ADCK1: variants seen among roughly 807,000 people sequenced by gnomAD.
ADCK1 encodes the protein aarF domain containing kinase 1, also known as aarF domain-containing protein kinase 1.
Under a neutral mutation model 52.3 loss-of-function variants are expected in ADCK1, and 41 were observed. The observed-to-expected ratio is 0.78, with a 90% CI of 0.61 to 1.02. The LOEUF (loss-of-function observed/expected upper bound fraction) is 1.02, where lower values mean the gene tolerates loss of function less well. Ranked by LOEUF, ADCK1 falls within the 50% of genes least tolerant of loss-of-function variation. The pLI, the probability that ADCK1 is intolerant of heterozygous loss-of-function variation, is 0.00. For missense variants in ADCK1, 658 were observed against 679.5 expected, an observed-to-expected ratio of 0.97 and a Z score of 0.35; for synonymous variants, 250 against 274.6, an observed-to-expected ratio of 0.91 and a Z score of 0.89.
At chr14:77,884,501 A>G (rs145439889) in intron 4 of ADCK1, among the ~76,000 whole-genome samples, 108 of 152,132 alleles carry the variant, frequency 7.1e-4, no homozygotes, top group African/African-American at 2.4e-3. Context: ...TTTTTCACTT[A>G]TCCCTGCTGG....
In ADCK1 at chr14:77,933,383, C is replaced by T; in HGVS notation, c.1564C>T (p.Pro522Ser). 2 of 1,613,976 alleles carry T rather than the reference C, an allele frequency of 1.2e-6. No individual in the cohort carries two copies. The highest frequency in any genetic ancestry group is 1.1e-5 in the South Asian group (1 of 91,076). The change falls in exon 11 of 11, where the codon CCA becomes TCA. Residue 522 changes from proline (P) to serine (S), a missense_variant. Pro to Ser is a moderately conservative substitution (Grantham distance 74). Transcript: ENST00000238561. ...CCTAATATGCTGGCTGTTCCCTGCT[C>T]CACTCTGAGTGGAATTGCTCTCCCT... is the stretch of plus-strand genomic sequence containing the variant. ...LALICWLFPA[P>S]L
chr14:77,856,117 G>A (rs563955098), intron 3 of ADCK1, among the ~76,000 whole-genome samples: 1 of 152,270 alleles, frequency 6.6e-6, no homozygotes, highest in East Asian at 1.9e-4. Context: ...GGCTGAGGCA[G>A]GAGAATCACT....
At chr14:77,899,373 G>C in intron 6 of ADCK1, 115 bp downstream of exon 6, 1 of 1,373,860 alleles carries the variant, frequency 7.3e-7, no homozygotes, top group Non-Finnish European at 1.0e-6. Flanking sequence ...TTCTTCCTGA[G>C]TCCTCTTACT....
At chr14:77,812,198 C>T (rs1358357908) in intron 1 of ADCK1, among the ~76,000 whole-genome samples, 2 of 152,128 alleles carry the variant, frequency 1.3e-5, no homozygotes, top group African/African-American at 4.8e-5. Flanking sequence ...GTAGTATTAA[C>T]TAGAGTTTCC....
intron 3 of ADCK1, among the ~76,000 whole-genome samples, chr14:77,842,020 G>T (rs2082078543): frequency 6.6e-6 from 1 of 152,206 alleles, no homozygotes; most frequent in African/African-American, 2.4e-5. Flanking sequence ...AAGCCCAGGA[G>T]TTCAAGGCTG....
intron 1 of ADCK1, among the ~76,000 whole-genome samples, chr14:77,801,017 G>A (rs1187506800): frequency 6.6e-6 from 1 of 152,102 alleles, no homozygotes; most frequent in African/African-American, 2.4e-5. Flanking sequence ...ATTGCTTGAG[G>A]GCAGGAGTTC....
intron 6 of ADCK1, among the ~76,000 whole-genome samples, chr14:77,905,474 C>G (rs1367061819): frequency 2.0e-5 from 3 of 150,546 alleles, no homozygotes; most frequent in African/African-American, 7.3e-5. Flanking sequence ...GCTGGGATTA[C>G]AGGCGTGAGC....
chr14:77,837,431 C>T (rs141541203), intron 3 of ADCK1, among the ~76,000 whole-genome samples: 257 of 152,340 alleles, frequency 1.7e-3, no homozygotes, highest in African/African-American at 5.7e-3. Flanking sequence ...AGCCACCATG[C>T]CCAGCTTCAT....
intron 3 of ADCK1, among the ~76,000 whole-genome samples, chr14:77,822,964 C>T (rs535013413): frequency 7.2e-5 from 11 of 152,176 alleles, no homozygotes; most frequent in East Asian, 3.9e-4. Context: ...GGCTCTGTCC[C>T]GCAGATAACT....
At chr14:77,869,565 G>A (rs2082732340) in intron 4 of ADCK1, among the ~76,000 whole-genome samples, 1 of 152,082 alleles carries the variant, frequency 6.6e-6, no homozygotes, top group African/African-American at 2.4e-5. Context: ...TCTAGGCTGG[G>A]GTTAGGACTT....
intron 3 of ADCK1, among the ~76,000 whole-genome samples, chr14:77,828,302 C>G (rs1037009402): frequency 6.6e-6 from 1 of 152,102 alleles, no homozygotes; most frequent in African/African-American, 2.4e-5. Context: ...TGGTGGTAGC[C>G]TTTGCCCCTG....
intron 7 of ADCK1, among the ~76,000 whole-genome samples, chr14:77,920,804 C>A (rs1305682177): frequency 1.3e-5 from 2 of 151,976 alleles, no homozygotes; most frequent in Non-Finnish European, 2.9e-5. Context: ...CATGCTCCAC[C>A]ACACCTGGCT....
chr14:77,865,626 G>A (rs1048781281), intron 4 of ADCK1, among the ~76,000 whole-genome samples: 2 of 152,244 alleles, frequency 1.3e-5, no homozygotes. Flanking sequence ...GATTTCACAT[G>A]TGTACCCTCG....
Position 77,931,691 on chromosome 14 carries a change from C to T in ADCK1, c.1380C>T (p.Cys460=). 6.2e-7 allele frequency: 1 copy of T among 1,605,028 alleles called. No homozygotes were observed. The highest frequency in any genetic ancestry group is 1.1e-5 in the South Asian group (1 of 91,076). Residue 460 remains cysteine (C), a synonymous_variant, in exon 10 of 11, where the codon TGC becomes TGT. Transcript: ENST00000238561. ...GCTCCTTTCTCAACATGTCACGTTG[C>T]TGCATCAGAGCGCTAGCTGAGTGAG... ...SASSFLNMSR[C]CIRALAEHKK...
intron 2 of ADCK1, among the ~76,000 whole-genome samples, chr14:77,821,611 T>TTACA (rs2081583765): frequency 6.6e-6 from 1 of 152,042 alleles, no homozygotes. Context: ...CCAGGCGCGG[T>TTACA]GGCTCATGCC....
intron 3 of ADCK1, among the ~76,000 whole-genome samples, chr14:77,831,451 A>G (rs1168610002): frequency 6.6e-6 from 1 of 152,214 alleles, no homozygotes; most frequent in Non-Finnish European, 1.5e-5. Flanking sequence ...ATTTGTTTCT[A>G]TCAAATTCTG....
chr14:77,931,362 T>C (rs1229686146), intron 9 of ADCK1, among the ~76,000 whole-genome samples, 156 bp from the exon 10 acceptor site: 1 of 152,216 alleles, frequency 6.6e-6, no homozygotes, highest in African/African-American at 2.4e-5. Flanking sequence ...GACTTCTCTA[T>C]GGGGAGTGCT....
intron 3 of ADCK1, among the ~76,000 whole-genome samples, chr14:77,832,897 G>T (rs558810942): frequency 6.6e-6 from 1 of 152,258 alleles, no homozygotes; most frequent in South Asian, 2.1e-4. Context: ...CCTGGGATCT[G>T]GTCTGGCCAA....
chr14:77,884,157 C>G (rs1332195941), intron 4 of ADCK1, among the ~76,000 whole-genome samples: 3 of 152,230 alleles, frequency 2.0e-5, no homozygotes, highest in Middle Eastern at 3.2e-3. Flanking sequence ...GCACATGTTC[C>G]TGGGAGTCAG....
Sources: allele counts gnomAD v4.1 joint callset (sites outside exome capture counted in the v4.1 genomes callset), GRCh38; gene constraint gnomAD v4.1.1; transcripts MANE v1.5; gene names NCBI Gene and HGNC (gene_info 2026-07-23, HGNC 2026-07-21).